The following CDH12 variants were observed in gnomAD, a reference collection of about 807,000 sequenced individuals.
CDH12 encodes the protein cadherin 12.
In CDH12, 41 loss-of-function variants were observed where a neutral mutation model predicts 74.1. The observed-to-expected ratio is 0.55, with a 90% CI of 0.43 to 0.72. The LOEUF (loss-of-function observed/expected upper bound fraction) is 0.72, where lower values mean the gene tolerates loss of function less well. Ranked by LOEUF, CDH12 falls within the 30% of genes least tolerant of loss-of-function variation. The probability of loss-of-function intolerance (pLI) is 0.00; values close to 1 mark genes in which losing one functional copy is unlikely to be tolerated. For missense variants in CDH12, 945 were observed against 977.2 expected (o/e 0.97, Z 0.44); for synonymous variants, 399 against 355.0 (o/e 1.12, Z -1.39).
intron 1 of CDH12, among the ~76,000 whole-genome samples, chr5:22,806,415 C>T (rs1298645193): frequency 6.8e-6 from 1 of 147,930 alleles, no homozygotes; most frequent in Admixed American, 6.8e-5. Flanking sequence ...TGCAGTGGCG[C>T]AATCTCGGCT....
chr5:22,461,802 T>C (rs1580674005), intron 2 of CDH12, among the ~76,000 whole-genome samples: 2 of 151,916 alleles, frequency 1.3e-5, no homozygotes, highest in East Asian at 3.9e-4. Context: ...ATGTTTTTTT[T>C]TCATTTTTGT....
At chr5:22,661,487 T>G (rs1740346256) in intron 1 of CDH12, among the ~76,000 whole-genome samples, 1 of 152,194 alleles carries the variant, frequency 6.6e-6, no homozygotes, top group African/African-American at 2.4e-5. Context: ...ATATTATATT[T>G]CATTGTAAAT....
chr5:22,201,844 G>A (rs1750940639), intron 4 of CDH12, among the ~76,000 whole-genome samples: 1 of 152,126 alleles, frequency 6.6e-6, no homozygotes, highest in Non-Finnish European at 1.5e-5. Context: ...GCGGCCATAA[G>A]GCAAGTGACA....
chr5:22,125,698 T>C (rs868657581), intron 4 of CDH12, among the ~76,000 whole-genome samples: 12 of 152,232 alleles, frequency 7.9e-5, no homozygotes, highest in Middle Eastern at 3.4e-3. Flanking sequence ...CATGGATTCA[T>C]ATTGAGCAAG....
intron 3 of CDH12, among the ~76,000 whole-genome samples, chr5:22,349,751 TTGAGACGGAGTC>T (rs1317826381): frequency 6.6e-6 from 1 of 152,230 alleles, no homozygotes; most frequent in Non-Finnish European, 1.5e-5. Context: ...ATCTTTTTTT[TTGAGACGGAGTC>T]TGGCTCTGTC....
intron 10 of CDH12, among the ~76,000 whole-genome samples, chr5:21,784,014 A>T (rs1746065421): frequency 6.6e-6 from 1 of 152,138 alleles, no homozygotes; most frequent in Non-Finnish European, 1.5e-5. Flanking sequence ...AACACATATA[A>T]AACGGTCATG....
chr5:21,751,622 G>GTGCGTGTT lies in CDH12; in HGVS notation c.*114_*115insAACACGCA. 2 of 581,040 alleles carry GTGCGTGTT rather than the reference G, an allele frequency of 3.4e-6. No homozygotes were observed. Among genetic ancestry groups the GTGCGTGTT allele is most frequent in the Non-Finnish European group, 3.0e-6 (1 of 335,438 alleles). 36.0% of individuals were successfully genotyped at this position (581,040 alleles called of 1,614,324 possible). On this transcript the variant is annotated 3_prime_UTR_variant, in exon 15 of 15. Transcript: ENST00000382254. ...ATCTTGTCCCAGAGTGTGTGTGTGT[G>GTGCGTGTT]TGTGTGTGTTTGTGTGTGTGTGTGT...
intron 1 of CDH12, among the ~76,000 whole-genome samples, chr5:22,583,467 C>T: frequency 6.6e-6 from 1 of 151,980 alleles, no homozygotes; most frequent in East Asian, 1.9e-4. Flanking sequence ...TGACCACATG[C>T]CTAGGTAAGT....
intron 1 of CDH12, among the ~76,000 whole-genome samples, chr5:22,714,109 T>A (rs1183339616): frequency 2.6e-5 from 4 of 152,222 alleles, no homozygotes; most frequent in Non-Finnish European, 5.9e-5. Flanking sequence ...GTTTCTAAAA[T>A]GTTCTGACCC....
chr5:21,816,888 T>G, intron 9 of CDH12, 57 bp downstream of exon 9: 2 of 1,130,522 alleles, frequency 1.8e-6, no homozygotes, highest in South Asian at 1.9e-5. Flanking sequence ...AATATTTATT[T>G]TTTATCTTCT....
At chr5:22,609,340 A>AAG in intron 1 of CDH12, among the ~76,000 whole-genome samples, 1 of 152,258 alleles carries the variant, frequency 6.6e-6, no homozygotes, top group East Asian at 1.9e-4. Flanking sequence ...AATCTCTACT[A>AAG]ATATATATGT....
intron 3 of CDH12, among the ~76,000 whole-genome samples, chr5:22,275,700 G>A (rs1489483323): frequency 6.6e-6 from 1 of 152,126 alleles, no homozygotes; most frequent in Non-Finnish European, 1.5e-5. Context: ...ATGTTGTAGA[G>A]TAACTGAAAA....
In CDH12 at chr5:22,194,272, T is replaced by C. The variant is rs184679728; in HGVS notation, c.-187+18226A>G. 8.3e-3 allele frequency among the ~76,000 whole-genome samples: 1,252 copies of C among 151,546 alleles called. 18 individuals are homozygous for C. The highest frequency in any genetic ancestry group is 0.029 in the African/African-American group (1,199 of 41,360). ...TTAATGGTGTCTTATGTAACCTACC[T>C]CCCCCACTATTCTTTCTTTACTTTT... is the stretch of plus-strand genomic sequence containing the variant. On this transcript the variant is annotated intron_variant, in intron 4 of 14. Transcript: ENST00000382254.
chr5:22,849,943 C>A (rs1737471376), intron 1 of CDH12, among the ~76,000 whole-genome samples: 1 of 152,148 alleles, frequency 6.6e-6, no homozygotes, highest in Non-Finnish European at 1.5e-5. Context: ...AGACACAAAT[C>A]TGAATACAGC....
chr5:21,888,224 CCTT>C (rs1427719882), intron 6 of CDH12, among the ~76,000 whole-genome samples: 1 of 152,100 alleles, frequency 6.6e-6, no homozygotes, highest in Non-Finnish European at 1.5e-5. Flanking sequence ...GCTTTTCTCT[CCTT>C]TTTCCCTCGT....
chr5:22,050,747 T>A (rs1740301199), intron 5 of CDH12, among the ~76,000 whole-genome samples: 1 of 152,288 alleles, frequency 6.6e-6, no homozygotes, highest in Non-Finnish European at 1.5e-5. Flanking sequence ...CTGTTCTCAA[T>A]ACTTGGTATT....
At chr5:22,843,929 G>C (rs936591320) in intron 1 of CDH12, among the ~76,000 whole-genome samples, 1 of 151,960 alleles carries the variant, frequency 6.6e-6, no homozygotes, top group Non-Finnish European at 1.5e-5. Flanking sequence ...CACCAGCCTT[G>C]TCTCACTGTG....
intron 2 of CDH12, among the ~76,000 whole-genome samples, chr5:22,410,107 C>T (rs72744853): frequency 0.11 from 17,095 of 151,870 alleles, 1,009 homozygotes; most frequent in South Asian, 0.18. Flanking sequence ...TTTGTTGGGG[C>T]TCAGAGAACA....
At chr5:22,264,784 A>C (rs1319293005) in intron 3 of CDH12, among the ~76,000 whole-genome samples, 3 of 152,190 alleles carry the variant, frequency 2.0e-5, no homozygotes, top group Non-Finnish European at 4.4e-5. Context: ...TTTCAGAAAG[A>C]AATGTCTTCT....
Sources: gnomAD v4.1 joint callset for allele counts (sites outside exome capture counted in the v4.1 genomes callset) on GRCh38, gnomAD v4.1.1 for gene constraint, MANE v1.5 for transcripts, NCBI Gene and HGNC (gene_info 2026-07-23, HGNC 2026-07-21) for gene names.